Variants in CALN1 observed in about 807,000 individuals in gnomAD.
CALN1 encodes calneuron 1, also known as calcium-binding protein 8.
In CALN1, 17 loss-of-function variants were observed where a neutral mutation model predicts 30.6. That is an observed-to-expected ratio of 0.56 (90% CI 0.38 to 0.83). The LOEUF (loss-of-function observed/expected upper bound fraction) is 0.83. Ranked by LOEUF, CALN1 falls within the 40% of genes least tolerant of loss-of-function variation. The pLI is 0.00. For missense variants in CALN1, 291 were observed against 354.9 expected, an observed-to-expected ratio of 0.82 and a Z score of 1.45; for synonymous variants, 156 against 131.4, an observed-to-expected ratio of 1.19 and a Z score of -1.28.
intron 5 of CALN1, among the ~76,000 whole-genome samples, chr7:71,843,055 G>T (rs777654735): frequency 6.6e-6 from 1 of 152,168 alleles, no homozygotes; most frequent in Non-Finnish European, 1.5e-5. Context: ...AATAAAGGAA[G>T]AGATGTGAGG....
intron 2 of CALN1, among the ~76,000 whole-genome samples, chr7:72,383,226 C>T (rs1025991090): frequency 1.3e-5 from 2 of 152,266 alleles, no homozygotes; most frequent in South Asian, 2.1e-4. Context: ...ATGAACGTAA[C>T]GGTACATGTG....
chr7:72,444,601 G>A (rs1808464351), intron 1 of CALN1, among the ~76,000 whole-genome samples: 1 of 152,106 alleles, frequency 6.6e-6, no homozygotes, highest in Admixed American at 6.6e-5. Context: ...GGCCATCCCT[G>A]CCCTCAGAAA....
intron 5 of CALN1, among the ~76,000 whole-genome samples, chr7:71,869,845 G>A (rs543770186): frequency 3.9e-5 from 6 of 152,278 alleles, no homozygotes; most frequent in African/African-American, 1.2e-4. Flanking sequence ...GAAACTGCGA[G>A]TTGCCGCAGG....
At chr7:71,994,136 T>C (rs1489988093) in intron 5 of CALN1, among the ~76,000 whole-genome samples, 2 of 152,138 alleles carry the variant, frequency 1.3e-5, no homozygotes, top group Admixed American at 6.5e-5. Context: ...AAAAATTTTA[T>C]GAGATTAATT....
chr7:71,814,352 A>G (rs530426284), intron 5 of CALN1, among the ~76,000 whole-genome samples: 1 of 152,256 alleles, frequency 6.6e-6, no homozygotes, highest in Non-Finnish European at 1.5e-5. Context: ...TTTCCATACC[A>G]AGAAGAGCCA....
chr7:72,183,890 G>T (rs1169479502), intron 3 of CALN1, among the ~76,000 whole-genome samples: 1 of 151,784 alleles, frequency 6.6e-6, no homozygotes, highest in Non-Finnish European at 1.5e-5. Context: ...AAGTCCCCTC[G>T]AACAAAGAAA....
intron 1 of CALN1, among the ~76,000 whole-genome samples, chr7:72,423,723 G>A (rs1245508621): frequency 6.6e-6 from 1 of 151,916 alleles, no homozygotes; most frequent in African/African-American, 2.4e-5. Flanking sequence ...AGGCTAAGGA[G>A]GAAGGATGGC....
chr7:72,052,311 G>C (rs996101142), intron 4 of CALN1, among the ~76,000 whole-genome samples: 2 of 152,148 alleles, frequency 1.3e-5, no homozygotes, highest in Non-Finnish European at 2.9e-5. Flanking sequence ...CCGACAAGTC[G>C]CCTCCGGAGT....
At chr7:71,938,468 G>A (rs1795958263) in intron 5 of CALN1, among the ~76,000 whole-genome samples, 2 of 152,180 alleles carry the variant, frequency 1.3e-5, no homozygotes, top group South Asian at 2.1e-4. Context: ...CTGAGAGTGG[G>A]GCGGGGGAAA....
intron 4 of CALN1, among the ~76,000 whole-genome samples, chr7:72,089,461 G>A (rs564570686): frequency 1.3e-5 from 2 of 152,154 alleles, no homozygotes; most frequent in African/African-American, 4.8e-5. Context: ...AAATATAAAA[G>A]GCTAAGTGTA....
At chr7:72,240,151 A>T (rs111890671) in intron 3 of CALN1, among the ~76,000 whole-genome samples, 5 of 151,238 alleles carry the variant, frequency 3.3e-5, no homozygotes, top group African/African-American at 7.3e-5. Flanking sequence ...GTCTCATAGG[A>T]TCCACCAGTC....
At chr7:72,229,121 A>C (rs1484900906) in intron 3 of CALN1, among the ~76,000 whole-genome samples, 1 of 151,852 alleles carries the variant, frequency 6.6e-6, no homozygotes. Flanking sequence ...GAAAAGGGAA[A>C]AACGAACATG....
chr7:71,848,049 G>A (rs62459048), intron 5 of CALN1, among the ~76,000 whole-genome samples: 2 of 152,148 alleles, frequency 1.3e-5, no homozygotes, highest in African/African-American at 4.8e-5. Context: ...ACCCGCAATA[G>A]TGTTAGACCA....
At chr7:71,893,262 T>C (rs34774403) in intron 5 of CALN1, among the ~76,000 whole-genome samples, 60,079 of 151,690 alleles carry the variant, frequency 0.4, 14,437 homozygotes, top group African/African-American at 0.67. Flanking sequence ...GGGTAGAGGC[T>C]ATGGATGCTG....
chr7:72,233,156 T>C (rs1276838225), intron 3 of CALN1, among the ~76,000 whole-genome samples: 1 of 151,294 alleles, frequency 6.6e-6, no homozygotes, highest in East Asian at 1.9e-4. Flanking sequence ...TTTTACTGTT[T>C]GACTTCTTGA....
intron 5 of CALN1, among the ~76,000 whole-genome samples, chr7:72,009,611 T>C (rs1359272182): frequency 1.3e-5 from 2 of 152,220 alleles, no homozygotes; most frequent in African/African-American, 2.4e-5. Flanking sequence ...TCATCTTGAA[T>C]TGAAGCTCCC....
In CALN1 at chr7:72,173,976, A is replaced by G. The variant is rs556066062; in HGVS notation, c.245-67682T>C. 1.2e-4 allele frequency among the ~76,000 whole-genome samples: 19 copies of G among 152,264 alleles called. No homozygotes were observed. In the South Asian group the frequency reaches 1.9e-3, roughly 15 times the overall value. ...TAAAAATGTCTGGTCTTTAAAGGCCACTGTTGAGAAAATAAAAAGGCAAAC... is the reference window on the plus strand; with the variant it reads ...TAAAAATGTCTGGTCTTTAAAGGCCGCTGTTGAGAAAATAAAAAGGCAAAC... On this transcript the variant is annotated intron_variant, in intron 3 of 6. Coordinates refer to ENST00000395275, the MANE Select transcript of CALN1 (RefSeq NM_031468.4).
chr7:72,336,658 G>C (rs954158037), intron 2 of CALN1: 4 of 980,948 alleles, frequency 4.1e-6, no homozygotes, highest in Non-Finnish European at 2.4e-6. Flanking sequence ...AAGAAGAAAA[G>C]AGAGCGCGCG....
chr7:71,854,853 C>T (rs773697165), intron 5 of CALN1, among the ~76,000 whole-genome samples: 5 of 152,184 alleles, frequency 3.3e-5, no homozygotes, highest in Non-Finnish European at 4.4e-5. Context: ...AAGCTTAATT[C>T]AATTAAACAA....
Sources: gnomAD v4.1 joint callset for allele counts (sites outside exome capture counted in the v4.1 genomes callset) on GRCh38, gnomAD v4.1.1 for gene constraint, MANE v1.5 for transcripts, NCBI Gene and HGNC (gene_info 2026-07-23, HGNC 2026-07-21) for gene names.